Variants in CACNB2 observed in about 807,000 individuals in gnomAD.
CACNB2 encodes the protein calcium voltage-gated channel auxiliary subunit beta 2, also known as voltage-dependent L-type calcium channel subunit beta-2.
In CACNB2, 42 loss-of-function variants were observed where a neutral mutation model predicts 73.3. The ratio of observed to expected loss-of-function variants is 0.57; its 90% CI spans 0.45 to 0.74. CACNB2 has a LOEUF of 0.74. Among genes scored for constraint, CACNB2 ranks in the 30% least tolerant of loss-of-function variants. The pLI is 0.00. For synonymous variants in CACNB2, 348 were observed against 310.3 expected (o/e 1.12, Z -1.28); for missense variants, 940 against 853.0 (o/e 1.10, Z -1.27).
chr10:18,461,951 G>A (rs753731706), intron 3 of CACNB2, among the ~76,000 whole-genome samples: 2 of 151,934 alleles, frequency 1.3e-5, no homozygotes, highest in African/African-American at 2.4e-5. Flanking sequence ...CTGGAGAGAT[G>A]TCTGAAATTT....
At chr10:18,279,316 T>C (rs937737381) in intron 2 of CACNB2, among the ~76,000 whole-genome samples, 1 of 152,154 alleles carries the variant, frequency 6.6e-6, no homozygotes, top group African/African-American at 2.4e-5. Context: ...GAGCCAGAAA[T>C]GGCTTTGTAA....
At chr10:18,198,687 GT>G (rs1486141194) in intron 2 of CACNB2, among the ~76,000 whole-genome samples, 1 of 152,098 alleles carries the variant, frequency 6.6e-6, no homozygotes, top group Non-Finnish European at 1.5e-5. Flanking sequence ...GGCCAAATTG[GT>G]TTTCTACTCA....
intron 2 of CACNB2, among the ~76,000 whole-genome samples, chr10:18,156,855 CCT>C (rs1265953537): frequency 4.0e-5 from 6 of 149,852 alleles, no homozygotes; most frequent in Non-Finnish European, 8.9e-5. Context: ...ATGGAGAAAC[CCT>C]GTCTCTACTA....
rs552926583 is a variant in CACNB2, at chr10:18,381,845, A to G, written c.214-20079A>G. Reference sequence around the variant, plus strand: ...TCCTAAGAAATGCTATTCTCTAACAATACACATTCATGATGTGGCTCACCC... The same window carrying G: ...TCCTAAGAAATGCTATTCTCTAACAGTACACATTCATGATGTGGCTCACCC... On this transcript the variant is annotated intron_variant, in intron 2 of 13. Transcript: ENST00000324631. Among the ~76,000 whole-genome samples the G allele has an allele frequency of 7.8e-4, 118 of 152,118 alleles. 1 individual carries two copies. Among genetic ancestry groups the G allele is most frequent in the African/African-American group, 2.8e-3 (116 of 41,392 alleles).
At chr10:18,405,759 A>G (rs989356849) in intron 3 of CACNB2, among the ~76,000 whole-genome samples, 6 of 152,022 alleles carry the variant, frequency 3.9e-5, no homozygotes, top group Admixed American at 1.3e-4. Context: ...GGAGTTTGAG[A>G]CCAGCTTGGG....
chr10:18,535,878 T>G (rs919979621), intron 11 of CACNB2, among the ~76,000 whole-genome samples: 1 of 152,152 alleles, frequency 6.6e-6, no homozygotes, highest in African/African-American at 2.4e-5. Context: ...GGTTGTGAGA[T>G]AAAATGTTTG....
intron 2 of CACNB2, among the ~76,000 whole-genome samples, chr10:18,295,065 C>T (rs2039222183): frequency 2.6e-5 from 4 of 151,904 alleles, no homozygotes; most frequent in Admixed American, 1.3e-4. Flanking sequence ...ATTTTTTTAC[C>T]GATATTGAGG....
At chr10:18,242,829 A>T (rs1027748038) in intron 2 of CACNB2, among the ~76,000 whole-genome samples, 2 of 7,040 alleles carry the variant, frequency 2.8e-4, no homozygotes, top group African/African-American at 1.2e-3. Context: ...CTAAAAATGC[A>T]AAAAAAAAAA....
chr10:18,434,077 C>A (rs1589341693), intron 3 of CACNB2, among the ~76,000 whole-genome samples: 1 of 152,132 alleles, frequency 6.6e-6, no homozygotes, highest in East Asian at 1.9e-4. Flanking sequence ...TACAGAAAAA[C>A]CATTTTAAAA....
At chr10:18,220,646 A>G (rs2035755390) in intron 2 of CACNB2, among the ~76,000 whole-genome samples, 1 of 152,066 alleles carries the variant, frequency 6.6e-6, no homozygotes, top group South Asian at 2.1e-4. Flanking sequence ...TCTGTTAGGA[A>G]CCAGGCCGCC....
chr10:18,485,318 T>A (rs1241313819), intron 3 of CACNB2, among the ~76,000 whole-genome samples: 3 of 152,108 alleles, frequency 2.0e-5, no homozygotes, highest in Non-Finnish European at 2.9e-5. Flanking sequence ...AAGTAAGATA[T>A]CAGTAAGTGC....
At chr10:18,255,023 G>A (rs188606306) in intron 2 of CACNB2, among the ~76,000 whole-genome samples, 28 of 151,968 alleles carry the variant, frequency 1.8e-4, no homozygotes, top group Admixed American at 1.5e-3. Context: ...TTTTGCTTGG[G>A]TAAAAGTACT....
chr10:18,237,648 G>A (rs1447217311), intron 2 of CACNB2, among the ~76,000 whole-genome samples: 1 of 152,240 alleles, frequency 6.6e-6, no homozygotes, highest in Non-Finnish European at 1.5e-5. Flanking sequence ...AACAAATGCA[G>A]ATGGTATCAT....
At chr10:18,428,249 C>G (rs1029644869) in intron 3 of CACNB2, among the ~76,000 whole-genome samples, 4 of 151,996 alleles carry the variant, frequency 2.6e-5, no homozygotes, top group African/African-American at 9.7e-5. Context: ...CAATATTTAT[C>G]TTTTTAAAAT....
At chr10:18,219,178 A>G (rs1056169793) in intron 2 of CACNB2, among the ~76,000 whole-genome samples, 2 of 119,320 alleles carry the variant, frequency 1.7e-5, no homozygotes, top group African/African-American at 4.5e-5. Flanking sequence ...GACACAAAAA[A>G]TACTTCTACC....
At chr10:18,371,017 A>G (rs181130329) in intron 2 of CACNB2, among the ~76,000 whole-genome samples, 6 of 151,632 alleles carry the variant, frequency 4.0e-5, no homozygotes, top group African/African-American at 9.8e-5. Flanking sequence ...ATTTACTTTT[A>G]AAAGAGTAAT....
At position 18,383,490 on chromosome 10, in the gene CACNB2, A is replaced by G. The variant is rs537697769; in HGVS notation, c.214-18434A>G. Reference sequence around the variant, plus strand: ...AGAGTGAGGCTTGTTATGTTCATAGAGGTGTATAACAGAGCAATATCGTCT... The same window carrying G: ...AGAGTGAGGCTTGTTATGTTCATAGGGGTGTATAACAGAGCAATATCGTCT... On this transcript the variant is annotated intron_variant, in intron 2 of 13. Transcript: ENST00000324631. Among the ~76,000 whole-genome samples, 3 of 152,256 alleles carry G rather than the reference A, an allele frequency of 2.0e-5. No individual in the cohort carries two copies. In the South Asian group the frequency reaches 6.2e-4, roughly 32 times the overall value.
intron 2 of CACNB2, among the ~76,000 whole-genome samples, chr10:18,225,196 G>A (rs1034931758): frequency 6.6e-6 from 1 of 151,734 alleles, no homozygotes; most frequent in Non-Finnish European, 1.5e-5. Flanking sequence ...GGGAGGAGTC[G>A]GCAGAACCTT....
chr10:18,187,567 G>A (rs1031515895), intron 2 of CACNB2, among the ~76,000 whole-genome samples: 2 of 152,130 alleles, frequency 1.3e-5, no homozygotes, highest in African/African-American at 4.8e-5. Context: ...TCAAAACATA[G>A]AGGGTTCTTA....
Sources: gnomAD v4.1 joint callset for allele counts (sites outside exome capture counted in the v4.1 genomes callset) on GRCh38, gnomAD v4.1.1 for gene constraint, MANE v1.5 for transcripts, NCBI Gene and HGNC (gene_info 2026-07-23, HGNC 2026-07-21) for gene names.